The following PAK1 variants were observed in gnomAD, a reference collection of about 807,000 sequenced individuals.
The protein encoded by PAK1 is p21 (RAC1) activated kinase 1.
A neutral mutation model predicts 67.4 loss-of-function variants in PAK1; 29 were observed. That is an observed-to-expected ratio of 0.43 (90% CI 0.32 to 0.59). The LOEUF is 0.59. Ranked by LOEUF, PAK1 falls within the 20% of genes least tolerant of loss-of-function variation. The pLI is 0.07. For missense variants in PAK1, 337 were observed against 670.7 expected, an observed-to-expected ratio of 0.50 and a Z score of 5.50; for synonymous variants, 223 against 237.4, an observed-to-expected ratio of 0.94 and a Z score of 0.56.
intron 1 of PAK1, among the ~76,000 whole-genome samples, chr11:77,473,175 C>A (rs1455312384): frequency 6.6e-6 from 1 of 152,224 alleles, no homozygotes; most frequent in Non-Finnish European, 1.5e-5. Context: ...CTCCTCGTAG[C>A]GGGACAGGGT....
At chr11:77,405,676 C>CAG (rs1361422971) in intron 1 of PAK1, among the ~76,000 whole-genome samples, 175 of 76,136 alleles carry the variant, frequency 2.3e-3, no homozygotes, top group South Asian at 7.0e-3. Context: ...GACAGACAGA[C>CAG]ACACACACAC....
chr11:77,337,507 C>G, intron 11 of PAK1, 84 bp from the exon 12 acceptor site: 1 of 633,446 alleles, frequency 1.6e-6, no homozygotes, highest in South Asian at 2.3e-5. Flanking sequence ...CTAATTCAAC[C>G]TCTTCACTTT....
chr11:77,450,362 C>T (rs888351351), intron 1 of PAK1, among the ~76,000 whole-genome samples: 1 of 152,070 alleles, frequency 6.6e-6, no homozygotes, highest in African/African-American at 2.4e-5. Context: ...ATTAAAAACC[C>T]GAAAGAACCT....
chr11:77,400,029 G>C (rs954090485), intron 1 of PAK1, among the ~76,000 whole-genome samples: 1 of 152,072 alleles, frequency 6.6e-6, no homozygotes, highest in Non-Finnish European at 1.5e-5. Context: ...TCTGATTTTT[G>C]AAATTTTACC....
chr11:77,450,240 G>T (rs556063282), intron 1 of PAK1, among the ~76,000 whole-genome samples: 2 of 152,284 alleles, frequency 1.3e-5, no homozygotes, highest in Non-Finnish European at 2.9e-5. Context: ...GAACATCCCA[G>T]CATTATGTTT....
intron 7 of PAK1, 111 bp from the exon 8 acceptor site, chr11:77,353,710 T>C (rs558101189): frequency 3.1e-5 from 25 of 800,984 alleles, no homozygotes; most frequent in South Asian, 1.9e-4. Context: ...CTACCTCCAA[T>C]AGCCAAAAAG....
At position 77,472,038 on chromosome 11, in the gene PAK1, G is replaced by A. The variant is rs185100011; in HGVS notation, c.-22+1514C>T. Among the ~76,000 whole-genome samples the A allele has an allele frequency of 5.3e-4, 81 of 152,208 alleles. 1 individual carries two copies. The highest frequency in any genetic ancestry group is 4.8e-3 in the Admixed American group (73 of 15,294). Reference sequence around the variant, plus strand: ...TAGGGCAGACCTTCATTGTTTACTTGTCTACCTCACCCATTAGACTTTGAG... The same window carrying A: ...TAGGGCAGACCTTCATTGTTTACTTATCTACCTCACCCATTAGACTTTGAG... On this transcript the variant is annotated intron_variant, in intron 1 of 14. Coordinates refer to ENST00000356341, the MANE Select transcript of PAK1 (RefSeq NM_002576.5).
chr11:77,331,820 AAAAG>A (rs1387948627), intron 14 of PAK1, among the ~76,000 whole-genome samples: 17 of 151,656 alleles, frequency 1.1e-4, no homozygotes, highest in African/African-American at 1.9e-4. Flanking sequence ...GAATTAAAAA[AAAAG>A]AAAGAAAAAT....
At chr11:77,482,429 T>C in the PAK1 span, among the ~76,000 whole-genome samples, 1 of 152,206 alleles carries the variant, frequency 6.6e-6, no homozygotes, top group African/African-American at 2.4e-5. Flanking sequence ...AAGATATATA[T>C]AAATTTAGCT....
chr11:77,323,174 A>ATC lies in PAK1; in HGVS notation c.*99_*100insGA. ...GGAGTGCTAGATCAGGAAATGGGAG[A>ATC]AGCAAGGCAAGGAGAAGAGGGCATC... On this transcript the variant is annotated 3_prime_UTR_variant, in exon 15 of 15. Coordinates refer to ENST00000356341, the MANE Select transcript of PAK1 (RefSeq NM_002576.5). The ATC allele has an allele frequency of 6.4e-7, 1 of 1,570,444 alleles. No homozygotes were observed. Among genetic ancestry groups the ATC allele is most frequent in the South Asian group, 1.2e-5 (1 of 86,068 alleles).
the PAK1 span, among the ~76,000 whole-genome samples, chr11:77,518,757 G>A: frequency 6.6e-6 from 1 of 152,164 alleles, no homozygotes; most frequent in Non-Finnish European, 1.5e-5. Context: ...CTGATTTGCA[G>A]TAACTTTTCC....
intron 1 of PAK1, among the ~76,000 whole-genome samples, chr11:77,427,537 A>G (rs1955614362): frequency 6.6e-6 from 1 of 152,130 alleles, no homozygotes; most frequent in Non-Finnish European, 1.5e-5. Context: ...CCTCAGTGGG[A>G]CCTGTGAATG....
At chr11:77,389,807 C>A (rs1205499476) in intron 2 of PAK1, among the ~76,000 whole-genome samples, 2 of 152,098 alleles carry the variant, frequency 1.3e-5, no homozygotes, top group African/African-American at 4.8e-5. Flanking sequence ...CTGTGTGTTA[C>A]CTTTTTGCTT....
chr11:77,334,825 A>G (rs1278582266), intron 13 of PAK1, among the ~76,000 whole-genome samples: 1 of 152,096 alleles, frequency 6.6e-6, no homozygotes, highest in Admixed American at 6.5e-5. Context: ...AATTCCTTTA[A>G]GAGAAAAAAA....
At chr11:77,422,327 G>A (rs1043276095) in intron 1 of PAK1, among the ~76,000 whole-genome samples, 1 of 152,100 alleles carries the variant, frequency 6.6e-6, no homozygotes, top group South Asian at 2.1e-4. Context: ...TGGGGAGGCT[G>A]AAGCGGGTGA....
chr11:77,502,753 T>C, the PAK1 span, among the ~76,000 whole-genome samples: 1 of 152,148 alleles, frequency 6.6e-6, no homozygotes, highest in Non-Finnish European at 1.5e-5. Context: ...CAGTGGGCAC[T>C]CTGTCAACCC....
intron 1 of PAK1, among the ~76,000 whole-genome samples, chr11:77,450,201 T>A (rs1320837203): frequency 6.6e-6 from 1 of 152,208 alleles, no homozygotes; most frequent in African/African-American, 2.4e-5. Context: ...CATAAAAGTA[T>A]CAATTCTAGG....
chr11:77,362,496 G>C (rs1456207284), intron 5 of PAK1, among the ~76,000 whole-genome samples: 1 of 152,108 alleles, frequency 6.6e-6, no homozygotes, highest in Non-Finnish European at 1.5e-5. Flanking sequence ...AGGCAGGATA[G>C]AATAATACTT....
chr11:77,417,838 A>C (rs1955052807), intron 1 of PAK1, among the ~76,000 whole-genome samples: 1 of 151,568 alleles, frequency 6.6e-6, no homozygotes, highest in Non-Finnish European at 1.5e-5. Context: ...CGGTTCAAGC[A>C]ATCCTCGTGC....
Sources: allele counts gnomAD v4.1 joint callset (sites outside exome capture counted in the v4.1 genomes callset), GRCh38; gene constraint gnomAD v4.1.1; transcripts MANE v1.5; gene names NCBI Gene and HGNC (gene_info 2026-07-23, HGNC 2026-07-21).